The following SCGB1C1 variants were observed in gnomAD, a reference collection of about 807,000 sequenced individuals.
The protein encoded by SCGB1C1 is ligand binding protein RYD5.
A neutral mutation model predicts 8.9 loss-of-function variants in SCGB1C1; 2 were observed. That is an observed-to-expected ratio of 0.23 (90% confidence interval 0.09 to 0.71). SCGB1C1 has a LOEUF of 0.71. SCGB1C1 is among the 30% of genes least tolerant of loss of function. SCGB1C1 has a pLI of 0.78. For missense variants in SCGB1C1, 25 were observed against 112.7 expected, an observed-to-expected ratio of 0.22 and a Z score of 3.52; for synonymous variants, 6 against 45.8, an observed-to-expected ratio of 0.13 and a Z score of 3.51.
At chr11:192,076 A>G (rs1209209633), upstream of SCGB1C1, among the ~76,000 whole-genome samples, 22 of 151,836 alleles carry the variant, frequency 1.4e-4, no homozygotes, top group African/African-American at 5.1e-4. Flanking sequence ...ATAGGTGGAA[A>G]TCTCTGCTCA....
upstream of SCGB1C1, among the ~76,000 whole-genome samples, chr11:189,300 C>T (rs1170176527): frequency 6.6e-6 from 1 of 150,626 alleles, no homozygotes; most frequent in African/African-American, 2.4e-5. Flanking sequence ...TCTCATGTAT[C>T]CCTAAAATGT....
upstream of SCGB1C1, among the ~76,000 whole-genome samples, chr11:189,632 A>G (rs1316619320): frequency 2.5e-3 from 376 of 152,326 alleles, 1 homozygote; most frequent in African/African-American, 8.3e-3. Flanking sequence ...AGGCGCAGAG[A>G]CGCACGTCCT....
At chr11:191,519 T>TA (rs1437854893), upstream of SCGB1C1, among the ~76,000 whole-genome samples, 5 of 143,026 alleles carry the variant, frequency 3.5e-5, no homozygotes, top group East Asian at 6.0e-4. Flanking sequence ...TCAAAATATA[T>TA]AAAAAATTAT....
upstream of SCGB1C1, among the ~76,000 whole-genome samples, chr11:189,723 C>G (rs1161384812): frequency 6.6e-6 from 1 of 152,260 alleles, no homozygotes; most frequent in Non-Finnish European, 1.5e-5. Flanking sequence ...CAGCCGGGCA[C>G]TACAGGACCC....
upstream of SCGB1C1, among the ~76,000 whole-genome samples, chr11:189,610 G>C (rs1242407648): frequency 6.6e-6 from 1 of 152,262 alleles, no homozygotes; most frequent in Admixed American, 6.5e-5. Flanking sequence ...GAGCGCGGGG[G>C]TGGAGCGTTG....
chr11:190,734 C>T (rs1854786922), upstream of SCGB1C1, among the ~76,000 whole-genome samples: 1 of 152,312 alleles, frequency 6.6e-6, no homozygotes, highest in Non-Finnish European at 1.5e-5. Flanking sequence ...ACTCTGGCAC[C>T]AGCCTCCTTC....
upstream of SCGB1C1, among the ~76,000 whole-genome samples, chr11:192,671 G>A (rs1378851557): frequency 6.6e-6 from 1 of 150,704 alleles, no homozygotes; most frequent in African/African-American, 2.4e-5. Flanking sequence ...GAGACCCCCA[G>A]ATGCAGACCC....
intron 1 of SCGB1C1, among the ~76,000 whole-genome samples, chr11:193,453 A>G (rs1376124635): frequency 6.6e-6 from 1 of 151,660 alleles, no homozygotes; most frequent in African/African-American, 2.4e-5. Flanking sequence ...CCCCCACACC[A>G]GGAGCTTAAC....
chr11:192,158 T>C (rs1189721665), upstream of SCGB1C1, among the ~76,000 whole-genome samples: 9 of 148,606 alleles, frequency 6.1e-5, no homozygotes, highest in Admixed American at 1.3e-4. Context: ...CCCAGGGCCA[T>C]GTGGATGCCA....
chr11:189,543 T>A (rs1268780568), upstream of SCGB1C1, among the ~76,000 whole-genome samples: 1 of 27,400 alleles, frequency 3.6e-5, no homozygotes, highest in African/African-American at 2.5e-4. Context: ...GTCGTTAGGC[T>A]GTGGGTTTGG....
At chr11:193,552 G>A (rs1854854817) in intron 1 of SCGB1C1, among the ~76,000 whole-genome samples, 160 bp from the exon 2 acceptor site, 1 of 152,298 alleles carries the variant, frequency 6.6e-6, no homozygotes, top group African/African-American at 2.4e-5. Context: ...CGGGCAAGGT[G>A]GAGTTGGAGG....
chr11:191,794 C>T (rs1304385885), upstream of SCGB1C1, among the ~76,000 whole-genome samples: 4 of 152,398 alleles, frequency 2.6e-5, no homozygotes, highest in East Asian at 5.8e-4. Flanking sequence ...ATACGCCACC[C>T]CAAAACCTAA....
At chr11:193,638 TG>T in intron 1 of SCGB1C1, 73 bp from the exon 2 acceptor site, 2 of 1,586,538 alleles carry the variant, frequency 1.3e-6, no homozygotes, top group East Asian at 4.5e-5. Context: ...GTTGGAGCCC[TG>T]GGGCAGGTCC....
At chr11:194,377 T>C (rs776088919) in intron 2 of SCGB1C1, 41 bp from the exon 3 acceptor site, 79 of 924,100 alleles carry the variant, frequency 8.5e-5, no homozygotes, top group Non-Finnish European at 1.0e-4. Context: ...TCTCCACTTA[T>C]TGAGCACAGC....
At chr11:192,087 T>G (rs1854824070), upstream of SCGB1C1, among the ~76,000 whole-genome samples, 1 of 151,694 alleles carries the variant, frequency 6.6e-6, no homozygotes, top group African/African-American at 2.4e-5. Flanking sequence ...TCTCTGCTCA[T>G]TTAGGAGTCG....
At chr11:192,314 T>C (rs533941422), upstream of SCGB1C1, among the ~76,000 whole-genome samples, 1 of 152,110 alleles carries the variant, frequency 6.6e-6, no homozygotes, top group Admixed American at 6.5e-5. Context: ...GTGTCCATTG[T>C]AATATGTCCT....
At chr11:189,583 A>C (rs1854745657), upstream of SCGB1C1, among the ~76,000 whole-genome samples, 1 of 142,432 alleles carries the variant, frequency 7.0e-6, no homozygotes, top group East Asian at 2.1e-4. Flanking sequence ...ACGCAGAGTC[A>C]CGCGCCACCG....
At position 194,418 on chromosome 11, in the gene SCGB1C1, G is replaced by A. The variant is rs371592375; in HGVS notation, c.256G>A (p.Val86Met). 5 of 845,484 alleles carry A rather than the reference G, an allele frequency of 5.9e-6. No homozygotes were observed. The highest frequency in any genetic ancestry group is 5.7e-5 in the South Asian group (4 of 70,688). 52.4% of individuals were successfully genotyped at this position (845,484 alleles called of 1,614,324 possible). A position where few individuals can be genotyped will look rare whatever the true frequency, so the allele number is the denominator to read the frequency against. The change falls in exon 3 of 3, where the codon GTG becomes ATG. Residue 86 changes from valine (V) to methionine (M), a missense_variant and splice_region_variant. Physicochemically the swap from Val to Met is conservative, Grantham distance 21. Coordinates refer to ENST00000342878, the MANE Select transcript of SCGB1C1 (RefSeq NM_145651.3). Reference sequence around the variant, plus strand: ...TAGTCCACATGTGTCTGCCTTCCAGGTGCAAGTGCTGGGCAGTCAGGACGG... The same window carrying A: ...TAGTCCACATGTGTCTGCCTTCCAGATGCAAGTGCTGGGCAGTCAGGACGG... ...MHKAELVKLL[V>M]QVLGSQDGA
At chr11:192,188 A>G (rs1211539832), upstream of SCGB1C1, among the ~76,000 whole-genome samples, 4 of 149,112 alleles carry the variant, frequency 2.7e-5, no homozygotes, top group African/African-American at 9.9e-5. Context: ...AGGTGGCAGC[A>G]GGGGCCCTTT....
Sources: gnomAD v4.1 joint callset for allele counts (sites outside exome capture counted in the v4.1 genomes callset) on GRCh38, gnomAD v4.1.1 for gene constraint, MANE v1.5 for transcripts, NCBI Gene and HGNC (gene_info 2026-07-23, HGNC 2026-07-21) for gene names.